CORIN: variants seen among roughly 807,000 people sequenced by gnomAD.
The protein encoded by CORIN is atrial natriuretic peptide-converting enzyme.
A neutral mutation model predicts 125.3 loss-of-function variants in CORIN; 117 were observed. The observed-to-expected ratio is 0.93, with a 90% confidence interval of 0.80 to 1.09. The LOEUF is 1.09. Among genes scored for constraint, CORIN ranks in the 50% least tolerant of loss-of-function variants. The pLI, the probability that CORIN is intolerant of heterozygous loss-of-function variation, is 0.00. For synonymous variants in CORIN, 450 were observed against 466.4 expected, an observed-to-expected ratio of 0.96 and a Z score of 0.45; for missense variants, 1,253 against 1,306.7, an observed-to-expected ratio of 0.96 and a Z score of 0.63.
chr4:47,764,473 C>G (rs1321701669), intron 3 of CORIN, among the ~76,000 whole-genome samples: 1 of 152,158 alleles, frequency 6.6e-6, no homozygotes, highest in Admixed American at 6.5e-5. Context: ...ATTCCTTATT[C>G]TCTTGTCTGT....
chr4:47,647,715 G>C (rs762782462), intron 13 of CORIN, among the ~76,000 whole-genome samples: 34 of 152,184 alleles, frequency 2.2e-4, no homozygotes, highest in Non-Finnish European at 4.4e-4. Flanking sequence ...ATGGGATCCA[G>C]GTACAAGTCA....
chr4:47,680,780 C>T (rs1376558121), intron 7 of CORIN: 1 of 154,142 alleles, frequency 6.5e-6, no homozygotes, highest in Non-Finnish European at 1.4e-5. Flanking sequence ...GAGACAAGGT[C>T]TCTCTCTTTC....
At chr4:47,675,325 G>T (rs1405017148) in intron 9 of CORIN, among the ~76,000 whole-genome samples, 1 of 152,134 alleles carries the variant, frequency 6.6e-6, no homozygotes, top group Non-Finnish European at 1.5e-5. Context: ...TAGTATGTGT[G>T]TATGTATAAT....
intron 12 of CORIN, among the ~76,000 whole-genome samples, chr4:47,660,598 G>A (rs528089320): frequency 6.6e-6 from 1 of 152,224 alleles, no homozygotes; most frequent in South Asian, 2.1e-4. Flanking sequence ...CTGACTATCA[G>A]ATAAATGCAA....
At chr4:47,768,033 T>C (rs558423503) in intron 3 of CORIN, among the ~76,000 whole-genome samples, 79 of 152,334 alleles carry the variant, frequency 5.2e-4, no homozygotes, top group Non-Finnish European at 1.1e-3. Context: ...GAAAATGGCC[T>C]GTTCTTGCCT....
intron 2 of CORIN, among the ~76,000 whole-genome samples, chr4:47,806,635 G>A (rs1207959162): frequency 6.6e-6 from 1 of 151,978 alleles, no homozygotes; most frequent in Non-Finnish European, 1.5e-5. Flanking sequence ...TAACCATCCT[G>A]GAGTTCTCAG....
intron 19 of CORIN, among the ~76,000 whole-genome samples, chr4:47,609,743 T>C (rs933938454): frequency 6.6e-6 from 1 of 152,218 alleles, no homozygotes; most frequent in Non-Finnish European, 1.5e-5. Flanking sequence ...TTCTCCGTGA[T>C]GCTCTTCCTC....
chr4:47,681,193 T>C (rs750493313), intron 7 of CORIN: 1 of 152,178 alleles, frequency 6.6e-6, no homozygotes, highest in Non-Finnish European at 1.5e-5. Context: ...GCCATGGTCA[T>C]AGACAGACTT....
chr4:47,613,679 A>C (rs1721956982), intron 19 of CORIN, among the ~76,000 whole-genome samples: 1 of 151,154 alleles, frequency 6.6e-6, no homozygotes, highest in Admixed American at 6.6e-5. Flanking sequence ...GAAATTGGAA[A>C]TCATCATTCT....
intron 6 of CORIN, 37 bp downstream of exon 6, chr4:47,692,933 G>A (rs1725833095): frequency 1.4e-6 from 2 of 1,448,922 alleles, no homozygotes; most frequent in Non-Finnish European, 1.9e-6. Context: ...GAGAATCCCT[G>A]TCCACTCAGA....
chr4:47,669,887 C>A (rs762112969), intron 10 of CORIN, among the ~76,000 whole-genome samples: 1 of 152,146 alleles, frequency 6.6e-6, no homozygotes, highest in Non-Finnish European at 1.5e-5. Flanking sequence ...ATTTTATTAC[C>A]TAAGTGTGTA....
At chr4:47,748,467 C>T (rs1444302717) in intron 4 of CORIN, among the ~76,000 whole-genome samples, 1 of 152,096 alleles carries the variant, frequency 6.6e-6, no homozygotes, top group Non-Finnish European at 1.5e-5. Context: ...AAAGTTAAAG[C>T]AGAAAGCTTT....
intron 2 of CORIN, among the ~76,000 whole-genome samples, chr4:47,802,231 A>G (rs1038200043): frequency 1.1e-4 from 16 of 152,072 alleles, no homozygotes; most frequent in African/African-American, 3.6e-4. Context: ...AAAGCAGGGG[A>G]AAAAAGTAAA....
At chr4:47,660,582 A>G (rs1268978623) in intron 12 of CORIN, among the ~76,000 whole-genome samples, 1 of 152,252 alleles carries the variant, frequency 6.6e-6, no homozygotes, top group African/African-American at 2.4e-5. Context: ...AAGGTGCTCA[A>G]CATCACTGAC....
chr4:47,747,998 C>T (rs528712227), intron 4 of CORIN, among the ~76,000 whole-genome samples: 3 of 152,264 alleles, frequency 2.0e-5, no homozygotes, highest in East Asian at 1.9e-4. Context: ...CATTAAAATA[C>T]CATTAGGCCC....
rs140543954 is a variant in CORIN, at chr4:47,766,099, A to G, written c.410-2513T>C. Among the ~76,000 whole-genome samples, 148 of 152,348 alleles carry G rather than the reference A, an allele frequency of 9.7e-4. 2 individuals are homozygous for G. The highest frequency in any genetic ancestry group is 3.4e-3 in the African/African-American group (142 of 41,584). The stretch of plus-strand genomic sequence containing the variant: ...CTCAAAATCGAATCTGGAGTAAGGT[A>G]TGATAATATCTGACATTTCAGTACC... On this transcript the variant is annotated intron_variant, in intron 3 of 21. Transcript: ENST00000273857.
At chr4:47,710,639 T>C (rs1446871164) in intron 5 of CORIN, among the ~76,000 whole-genome samples, 1 of 152,244 alleles carries the variant, frequency 6.6e-6, no homozygotes, top group Non-Finnish European at 1.5e-5. Flanking sequence ...GCTGCTACCA[T>C]ACCTGCTGCT....
At chr4:47,816,509 C>G (rs971189986) in intron 1 of CORIN, among the ~76,000 whole-genome samples, 3 of 152,132 alleles carry the variant, frequency 2.0e-5, no homozygotes, top group Non-Finnish European at 2.9e-5. Context: ...AAGGAGTTAA[C>G]AGCCTACCTC....
At chr4:47,832,861 CA>C (rs925361862) in intron 1 of CORIN, among the ~76,000 whole-genome samples, 3 of 152,116 alleles carry the variant, frequency 2.0e-5, no homozygotes, top group Admixed American at 6.5e-5. Flanking sequence ...ATACAGTTGC[CA>C]CCAGCTTTAT....
Sources: gnomAD v4.1 joint callset for allele counts (sites outside exome capture counted in the v4.1 genomes callset) on GRCh38, gnomAD v4.1.1 for gene constraint, MANE v1.5 for transcripts, NCBI Gene and HGNC (gene_info 2026-07-23, HGNC 2026-07-21) for gene names.